The following RPUSD2 variants were observed in gnomAD, a reference collection of about 807,000 sequenced individuals.
The protein encoded by RPUSD2 is RNA pseudouridine synthase domain containing 2.
RPUSD2 carries 31 observed loss-of-function variants against 41.5 expected under a neutral mutation model. The observed-to-expected ratio is 0.75, with a 90% confidence interval of 0.56 to 1.01. The LOEUF is 1.01. Ranked by LOEUF, RPUSD2 falls within the 50% of genes least tolerant of loss-of-function variation. The pLI, the probability that RPUSD2 is intolerant of heterozygous loss-of-function variation, is 0.00. For missense variants in RPUSD2, 749 were observed against 724.7 expected (o/e 1.03, Z -0.38); for synonymous variants, 305 against 289.7 (o/e 1.05, Z -0.54).
Position 40,574,432 on chromosome 15 carries a change from G to T in RPUSD2, c.*171G>T. ...TCCAGTGGGAATTTGGAGACTTTTT[G>T]GTTTGTAAATATATCCCTTTTTCTA... On this transcript the variant is annotated 3_prime_UTR_variant, in exon 3 of 3. Coordinates refer to ENST00000315616, the MANE Select transcript of RPUSD2 (RefSeq NM_152260.3). 1 of 719,636 alleles carries T rather than the reference G, an allele frequency of 1.4e-6. No homozygotes were observed. The highest frequency in any genetic ancestry group is 2.7e-5 in the East Asian group (1 of 37,254). 44.6% of individuals were successfully genotyped at this position (719,636 alleles called of 1,614,324 possible).
rs1269035545 is a variant in RPUSD2 at position 40,574,188 on chromosome 15, G to A, written c.1565G>A (p.Arg522His). 2 of 1,613,796 alleles carry A rather than the reference G, an allele frequency of 1.2e-6. No homozygotes were observed. Among genetic ancestry groups the A allele is most frequent in the Non-Finnish European group, 1.7e-6 (2 of 1,180,016 alleles). Residue 522 changes from arginine to histidine, a missense_variant, in exon 3 of 3, where the codon CGC becomes CAC. Physicochemically the swap from Arg to His is conservative, Grantham distance 29 (BLOSUM62 0). Transcript: ENST00000315616. ...CTTGTGATGTTCCTACATGCCCTAC[G>A]CTATAAAGGGCCAGGCTTTGAGTAC... ...QDLVMFLHAL[R>H]YKGPGFEYFS...
intron 2 of RPUSD2, among the ~76,000 whole-genome samples, chr15:40,572,686 C>G (rs956879737): frequency 1.3e-5 from 2 of 152,086 alleles, no homozygotes; most frequent in Non-Finnish European, 2.9e-5. Flanking sequence ...GAGCCATGAG[C>G]ATGTCACTGC....
chr15:40,574,813 C>A lies in RPUSD2; in HGVS notation c.*552C>A, dbSNP rs1891219898. On this transcript the variant is annotated 3_prime_UTR_variant, in exon 3 of 3. Coordinates refer to ENST00000315616, the MANE Select transcript of RPUSD2 (RefSeq NM_152260.3). ...ACATTTTCATCACCCCAAAAGGAAACCTGTACCCATTAAGTAAGTGGTCAC... is the reference window on the plus strand; with the variant it reads ...ACATTTTCATCACCCCAAAAGGAAAACTGTACCCATTAAGTAAGTGGTCAC... 1.3e-5 allele frequency: 2 copies of A among 152,264 alleles called. No individual in the cohort carries two copies. The highest frequency in any genetic ancestry group is 4.1e-4 in the South Asian group (2 of 4,826). The allele number at this position is 152,264 out of a possible 1,614,324, so 9.4% of individuals were successfully genotyped here. A position where few individuals can be genotyped will look rare whatever the true frequency, so the allele number is the denominator to read the frequency against.
At position 40,573,661 on chromosome 15, in the gene RPUSD2, A is replaced by G. The variant is rs1448927832; in HGVS notation, c.1038A>G (p.Thr346=). 1.2e-6 allele frequency: 2 copies of G among 1,612,794 alleles called. No homozygotes were observed. Among genetic ancestry groups the G allele is most frequent in the Non-Finnish European group, 1.7e-6 (2 of 1,179,426 alleles). ...RVDPRGKPCE[T]VFQRLSYNGQ... ...ATCCCCGGGGCAAGCCCTGTGAGACAGTGTTCCAGAGGCTAAGCTACAATG... is the reference window on the plus strand; with the variant it reads ...ATCCCCGGGGCAAGCCCTGTGAGACGGTGTTCCAGAGGCTAAGCTACAATG... Residue 346 remains threonine (T), a synonymous_variant, in exon 3 of 3, where the codon ACA becomes ACG. Transcript: ENST00000315616.
At position 40,569,601 on chromosome 15, in the gene RPUSD2, T is replaced by C; in HGVS notation, c.264T>C (p.His88=). Residue 88 remains histidine, a synonymous_variant, in exon 1 of 3, where the codon CAT becomes CAC. Coordinates refer to ENST00000315616, the MANE Select transcript of RPUSD2 (RefSeq NM_152260.3). Reference sequence around the variant, plus strand: ...AGCCGGCCCCAGTAGGCGGGGAGCATCCCTCGGCTGCAGCCCCAGGCCCGG... The same window carrying C: ...AGCCGGCCCCAGTAGGCGGGGAGCACCCCTCGGCTGCAGCCCCAGGCCCGG... ...EVEPAPVGGE[H]PSAAAPGPGK... 1 of 1,536,922 alleles carries C rather than the reference T, an allele frequency of 6.5e-7. No homozygotes were observed. Among genetic ancestry groups the C allele is most frequent in the East Asian group, 2.3e-5 (1 of 43,266 alleles).
chr15:40,571,185 T>G (rs529398160), intron 1 of RPUSD2, among the ~76,000 whole-genome samples: 3 of 152,164 alleles, frequency 2.0e-5, no homozygotes, highest in Non-Finnish European at 4.4e-5. Context: ...AGAGACAGAG[T>G]TTGACCATGT....
rs1417546068 is a variant in RPUSD2, at chr15:40,569,694, C to G, written c.357C>G (p.Thr119=). The part of the protein sequence containing the change: ...RVVPPPKKRR[T]GVSFGDEHFA... ...TGCCGCCCCCGAAGAAGCGGCGGACCGGGGTGAGCTTCGGAGATGAGCACT... is the reference window on the plus strand; with the variant it reads ...TGCCGCCCCCGAAGAAGCGGCGGACGGGGGTGAGCTTCGGAGATGAGCACT... Residue 119 remains threonine, a synonymous_variant, in exon 1 of 3, where the codon ACC becomes ACG. Coordinates refer to ENST00000315616, the MANE Select transcript of RPUSD2 (RefSeq NM_152260.3). The G allele has an allele frequency of 6.4e-7, 1 of 1,569,024 alleles. No homozygotes were observed. Among genetic ancestry groups the G allele is most frequent in the Non-Finnish European group, 8.7e-7 (1 of 1,155,578 alleles).
Position 40,569,686 on chromosome 15 carries a change from C to A in RPUSD2, c.349C>A (p.Arg117=). 5.1e-6 allele frequency: 8 copies of A among 1,562,274 alleles called. No homozygotes were observed. In the South Asian group the frequency reaches 7.1e-5, roughly 14 times the overall value. The change falls in exon 1 of 3, where the codon CGG becomes AGG. Residue 117 remains arginine (R), a synonymous_variant. Transcript: ENST00000315616. ...RERVVPPPKK[R]RTGVSFGDEH... Reference sequence around the variant, plus strand: ...GCGTGTCGTGCCGCCCCCGAAGAAGCGGCGGACCGGGGTGAGCTTCGGAGA... The same window carrying A: ...GCGTGTCGTGCCGCCCCCGAAGAAGAGGCGGACCGGGGTGAGCTTCGGAGA...
intron 2 of RPUSD2, among the ~76,000 whole-genome samples, chr15:40,572,169 T>C (rs1209871781): frequency 6.6e-6 from 1 of 151,482 alleles, no homozygotes; most frequent in African/African-American, 2.4e-5. Flanking sequence ...GGCTCACACC[T>C]GTAATCCCAG....
chr15:40,570,538 T>C (rs897080253), intron 1 of RPUSD2, among the ~76,000 whole-genome samples: 2 of 152,230 alleles, frequency 1.3e-5, no homozygotes, highest in Non-Finnish European at 2.9e-5. Flanking sequence ...GAGACTAGAA[T>C]TGTTTAGCCC....
At chr15:40,571,326 A>G (rs1595900897) in intron 1 of RPUSD2, among the ~76,000 whole-genome samples, 1 of 152,368 alleles carries the variant, frequency 6.6e-6, no homozygotes, top group East Asian at 1.9e-4. Context: ...AGAAAATACA[A>G]TTAGCAAAGC....
intron 2 of RPUSD2, 52 bp from the exon 3 acceptor site, chr15:40,573,475 C>T: frequency 6.4e-7 from 1 of 1,560,114 alleles, no homozygotes; most frequent in South Asian, 1.2e-5. Flanking sequence ...AGAGTTTGGA[C>T]TCCATGAATT....
At position 40,571,803 on chromosome 15, in the gene RPUSD2, CCTTGCATCGG is replaced by C. The variant is rs1891146899; in HGVS notation, c.811_820del (p.His271ThrfsTer46). On this transcript the variant is annotated frameshift_variant, in exon 2 of 3. Transcript: ENST00000315616. LOFTEE classifies it high-confidence loss of function. Reference sequence around the variant, plus strand: ...GAGCACCAACTCAAGGAGCTACACCCCTTGCATCGGCTTGACCGCCTTACCTCAGGGGTGC... The same window carrying C: ...GAGCACCAACTCAAGGAGCTACACCCCTTGACCGCCTTACCTCAGGGGTGC... 6.2e-7 allele frequency: 1 copy of C among 1,614,128 alleles called. No individual in the cohort carries two copies. The highest frequency in any genetic ancestry group is 8.5e-7 in the Non-Finnish European group (1 of 1,180,052).
At position 40,571,616 on chromosome 15, in the gene RPUSD2, T is replaced by G; in HGVS notation, c.619T>G (p.Leu207Val). The G allele has an allele frequency of 6.2e-7, 1 of 1,614,066 alleles. No individual in the cohort carries two copies. Among genetic ancestry groups the G allele is most frequent in the Non-Finnish European group, 8.5e-7 (1 of 1,179,932 alleles). The part of the protein sequence containing the change: ...LNIVLKDNDF[L>V]RNTVHRHEPP... ...ATGTCTTTGACAGGACAATGATTTC[T>G]TGCGGAACACAGTGCACAGGCATGA... Residue 207 changes from leucine (L) to valine (V), a missense_variant, in exon 2 of 3, where the codon TTG becomes GTG. Physicochemically the swap from Leu to Val is conservative, Grantham distance 32. Transcript: ENST00000315616.
intron 1 of RPUSD2, among the ~76,000 whole-genome samples, chr15:40,571,210 T>C (rs1326513948): frequency 1.3e-5 from 2 of 152,168 alleles, no homozygotes; most frequent in African/African-American, 4.8e-5. Flanking sequence ...CAGGATGGTC[T>C]TGATCTCGTG....
chr15:40,572,279 A>C (rs1891158776), intron 2 of RPUSD2, among the ~76,000 whole-genome samples: 2 of 151,340 alleles, frequency 1.3e-5, no homozygotes, highest in South Asian at 4.2e-4. Flanking sequence ...AAAAAAAAAA[A>C]AGGCCAGGCG....
chr15:40,573,504 T>C, intron 2 of RPUSD2, 23 bp from the exon 3 acceptor site: 1 of 1,592,322 alleles, frequency 6.3e-7, no homozygotes, highest in South Asian at 1.2e-5. Context: ...GTACTGACTT[T>C]CTCCCTCTTC....
intron 2 of RPUSD2, among the ~76,000 whole-genome samples, 187 bp downstream of exon 2, chr15:40,572,087 T>C (rs1891154703): frequency 6.6e-6 from 1 of 152,176 alleles, no homozygotes; most frequent in Admixed American, 6.5e-5. Context: ...TCCAAAAAAA[T>C]CTTTAGAGAT....
At chr15:40,572,564 CAAA>C in intron 2 of RPUSD2, among the ~76,000 whole-genome samples, 1 of 83,806 alleles carries the variant, frequency 1.2e-5, no homozygotes, top group Admixed American at 1.4e-4. Flanking sequence ...GACTCTGTCT[CAAA>C]AAAAAAAAAA....
Sources: allele counts gnomAD v4.1 joint callset (sites outside exome capture counted in the v4.1 genomes callset), GRCh38; gene constraint gnomAD v4.1.1; transcripts MANE v1.5; gene names NCBI Gene and HGNC (gene_info 2026-07-23, HGNC 2026-07-21).